MRTFA: variants seen among roughly 807,000 people sequenced by gnomAD.
MRTFA encodes the protein myocardin related transcription factor A.
MRTFA carries 20 observed loss-of-function variants against 83.5 expected under a neutral mutation model. The observed-to-expected ratio is 0.24, with a 90% confidence interval of 0.17 to 0.35. The LOEUF is 0.35. Among genes scored for constraint, MRTFA ranks in the 10% least tolerant of loss-of-function variants. The pLI, the probability that MRTFA is intolerant of heterozygous loss-of-function variation, is 1.00. For synonymous variants in MRTFA, 659 were observed against 541.2 expected (o/e 1.22, Z -3.02); for missense variants, 1,200 against 1,224.7 (o/e 0.98, Z 0.30).
In MRTFA at chr22:40,487,410, C is replaced by G. The variant is rs75919947; in HGVS notation, c.242-24124G>C. On this transcript the variant is annotated intron_variant, in intron 3 of 14. Transcript: ENST00000355630. ...GAACTGGAGTCATTAGTCATTATAC[C>G]CACTACTACACAATGAGAAGAACTA... Among the ~76,000 whole-genome samples the G allele has an allele frequency of 9.2e-3, 1,407 of 152,142 alleles. 25 individuals are homozygous for G. The highest frequency in any genetic ancestry group is 0.033 in the African/African-American group (1,356 of 41,470).
chr22:40,560,811 C>A (rs575825822), intron 2 of MRTFA, among the ~76,000 whole-genome samples: 1 of 152,122 alleles, frequency 6.6e-6, no homozygotes, highest in African/African-American at 2.4e-5. Flanking sequence ...CCACCCTACC[C>A]GCTTTAGGGC....
At chr22:40,484,134 A>T (rs920792986) in intron 3 of MRTFA, among the ~76,000 whole-genome samples, 1 of 151,918 alleles carries the variant, frequency 6.6e-6, no homozygotes, top group Non-Finnish European at 1.5e-5. Context: ...AGCTTATTCA[A>T]ATGTTTATGT....
intron 8 of MRTFA, 88 bp downstream of exon 8, chr22:40,424,118 G>T: frequency 7.3e-7 from 1 of 1,374,018 alleles, no homozygotes. Flanking sequence ...GCCAGAGCAG[G>T]AGGCATCCCG....
chr22:40,635,678 C>T (rs2056688686), intron 1 of MRTFA, among the ~76,000 whole-genome samples: 1 of 152,192 alleles, frequency 6.6e-6, no homozygotes, highest in Non-Finnish European at 1.5e-5. Flanking sequence ...TTCTCAACAT[C>T]CCAAAAGCAA....
Position 40,619,227 on chromosome 22 carries a change from T to A in MRTFA, c.-84+17251A>T, listed in dbSNP as rs147921686. ...GGCCTGATTCAATCCACTGAAAGGC[T>A]TTAAGGGCTGAGTGTGGTGGCTCAC... On this transcript the variant is annotated intron_variant, in intron 1 of 14. Transcript: ENST00000355630. Among the ~76,000 whole-genome samples, 537 of 150,988 alleles carry A rather than the reference T, an allele frequency of 3.6e-3. 3 individuals carry two copies. Among genetic ancestry groups the A allele is most frequent in the African/African-American group, 0.012 (493 of 41,136 alleles).
intron 14 of MRTFA, among the ~76,000 whole-genome samples, chr22:40,415,665 G>T (rs2052662627): frequency 6.6e-6 from 1 of 151,922 alleles, no homozygotes; most frequent in African/African-American, 2.4e-5. Context: ...CTCCCAGCTG[G>T]GTCCCCTCAC....
At chr22:40,584,804 G>A (rs1019818308) in intron 2 of MRTFA, among the ~76,000 whole-genome samples, 1 of 151,774 alleles carries the variant, frequency 6.6e-6, no homozygotes, top group Non-Finnish European at 1.5e-5. Context: ...AGCACTTTGG[G>A]AGGCTGAGGG....
intron 3 of MRTFA, among the ~76,000 whole-genome samples, chr22:40,500,273 C>A (rs1052824053): frequency 1.3e-5 from 2 of 149,860 alleles, no homozygotes; most frequent in Non-Finnish European, 3.0e-5. Flanking sequence ...AAGTAAAAGT[C>A]TATGCCTACA....
At chr22:40,446,715 T>C (rs966724972) in intron 4 of MRTFA, among the ~76,000 whole-genome samples, 1 of 152,200 alleles carries the variant, frequency 6.6e-6, no homozygotes, top group East Asian at 1.9e-4. Flanking sequence ...AGTGGATTGG[T>C]GGAAGCACAA....
intron 3 of MRTFA, among the ~76,000 whole-genome samples, chr22:40,534,626 A>C (rs1046584392): frequency 6.6e-5 from 10 of 152,162 alleles, no homozygotes; most frequent in African/African-American, 2.2e-4. Flanking sequence ...TGCCCACCTT[A>C]GCCTCACAAA....
At chr22:40,461,758 C>T (rs2053718191) in intron 4 of MRTFA, among the ~76,000 whole-genome samples, 1 of 151,124 alleles carries the variant, frequency 6.6e-6, no homozygotes, top group African/African-American at 2.4e-5. Context: ...CAGATTATGC[C>T]ACTGCACTCC....
chr22:40,477,620 C>CA (rs1328589207), intron 3 of MRTFA, among the ~76,000 whole-genome samples: 1 of 152,080 alleles, frequency 6.6e-6, no homozygotes, highest in African/African-American at 2.4e-5. Flanking sequence ...GAGGCTTTTA[C>CA]ATCAGATTTT....
At chr22:40,541,002 G>T (rs1322170920) in intron 3 of MRTFA, among the ~76,000 whole-genome samples, 1 of 151,940 alleles carries the variant, frequency 6.6e-6, no homozygotes, top group Non-Finnish European at 1.5e-5. Context: ...ATTTTCATTA[G>T]AACACATACT....
At chr22:40,513,130 A>G (rs1271228875) in intron 3 of MRTFA, among the ~76,000 whole-genome samples, 2 of 152,202 alleles carry the variant, frequency 1.3e-5, no homozygotes, top group East Asian at 1.9e-4. Context: ...GAGCTTATGA[A>G]AACAATTTTT....
intron 3 of MRTFA, among the ~76,000 whole-genome samples, chr22:40,527,399 A>C (rs2054995372): frequency 2.7e-5 from 4 of 150,558 alleles, no homozygotes; most frequent in Admixed American, 2.6e-4. Context: ...TTTTTTTGTC[A>C]TTGATGGCAG....
intron 3 of MRTFA, among the ~76,000 whole-genome samples, chr22:40,548,187 C>T (rs11703337): frequency 3.1e-4 from 47 of 151,334 alleles, no homozygotes; most frequent in Non-Finnish European, 6.0e-4. Context: ...GGTGAAATCC[C>T]GTCTCTACTA....
intron 8 of MRTFA, 146 bp from the exon 9 acceptor site, chr22:40,423,831 C>A: frequency 1.4e-6 from 1 of 699,664 alleles, no homozygotes. Flanking sequence ...AGAGCAACCC[C>A]CAGGGTGGCA....
At chr22:40,445,835 A>G (rs1056813742) in intron 4 of MRTFA, among the ~76,000 whole-genome samples, 1 of 152,214 alleles carries the variant, frequency 6.6e-6, no homozygotes, top group African/African-American at 2.4e-5. Context: ...GGCGTGAGCC[A>G]CCACACCTGG....
chr22:40,411,398 A>C lies in MRTFA; in HGVS notation c.3088T>G (p.Cys1030Gly), dbSNP rs375739057. 4 of 1,555,638 alleles carry C rather than the reference A, an allele frequency of 2.6e-6. No homozygotes were observed. Among genetic ancestry groups the C allele is most frequent in the Non-Finnish European group, 3.5e-6 (4 of 1,142,712 alleles). ...CGTCTTGAGCCAGAGAGCTACAAGC[A>C]GGAATCCCAGTGCAGCTGCAAATCA... The change falls in exon 15 of 15, where the codon TGC (cysteine) becomes GGC (glycine). Residue 1030 changes from cysteine to glycine, a missense_variant. Around this residue, in one of 2 missense-constraint regions of MRTFA, gnomAD observed 1,107 missense variants for 1,041.8 expected, o/e 1.06. Transcript: ENST00000355630.
Sources: allele counts gnomAD v4.1 joint callset (sites outside exome capture counted in the v4.1 genomes callset), GRCh38; gene constraint gnomAD v4.1.1; regional missense constraint gnomAD v4.1.1; transcripts MANE v1.5; gene names NCBI Gene and HGNC (gene_info 2026-07-23, HGNC 2026-07-21).